ROBO1: variants seen among roughly 807,000 people sequenced by gnomAD.
ROBO1 encodes the protein roundabout homolog 1.
ROBO1 carries 149 observed loss-of-function variants against 195.9 expected under a neutral mutation model. That is an observed-to-expected ratio of 0.76 (90% CI 0.67 to 0.87). The LOEUF (loss-of-function observed/expected upper bound fraction) is 0.87. Among genes scored for constraint, ROBO1 ranks in the 40% least tolerant of loss-of-function variants. The pLI, the probability that ROBO1 is intolerant of heterozygous loss-of-function variation, is 0.00. For missense variants in ROBO1, 1,933 were observed against 2,068.3 expected, an observed-to-expected ratio of 0.93 and a Z score of 1.27; for synonymous variants, 816 against 733.2, an observed-to-expected ratio of 1.11 and a Z score of -1.82.
chr3:79,534,998 C>T (rs1297984589), intron 2 of ROBO1, among the ~76,000 whole-genome samples: 1 of 152,062 alleles, frequency 6.6e-6, no homozygotes, highest in Non-Finnish European at 1.5e-5. Flanking sequence ...TCTGTGCTTT[C>T]CATAGTTTAA....
At chr3:78,654,472 A>C (rs1706871034) in intron 18 of ROBO1, among the ~76,000 whole-genome samples, 1 of 152,230 alleles carries the variant, frequency 6.6e-6, no homozygotes, top group African/African-American at 2.4e-5. Flanking sequence ...TTCACCGAGC[A>C]GACCTATTCT....
chr3:79,335,709 G>T (rs142177686), intron 2 of ROBO1, among the ~76,000 whole-genome samples: 2 of 152,096 alleles, frequency 1.3e-5, no homozygotes, highest in Admixed American at 6.5e-5. Flanking sequence ...AATTGGTACC[G>T]CAGAGAGTGG....
intron 1 of ROBO1, among the ~76,000 whole-genome samples, chr3:79,750,526 C>T (rs908938822): frequency 1.3e-5 from 2 of 152,166 alleles, no homozygotes; most frequent in African/African-American, 2.4e-5. Flanking sequence ...GTAACTCCCA[C>T]AATTCCAGCA....
rs189392857 is a variant in ROBO1 at position 79,398,711 on chromosome 3, G to A, written c.88+191113C>T. The stretch of plus-strand genomic sequence containing the variant: ...CTTCCCTGGTCTCTACCAACTAAAT[G>A]TTGGTGGCAATTTCTCTCCGGTAAT... On this transcript the variant is annotated intron_variant, in intron 2 of 30. Transcript: ENST00000464233. Among the ~76,000 whole-genome samples, 6 of 152,162 alleles carry A rather than the reference G, an allele frequency of 3.9e-5. No individual in the cohort carries two copies. In the East Asian group the frequency reaches 1.2e-3, roughly 30 times the overall value.
chr3:78,769,217 T>G (rs950039314), intron 4 of ROBO1, among the ~76,000 whole-genome samples: 2 of 152,208 alleles, frequency 1.3e-5, no homozygotes, highest in African/African-American at 4.8e-5. Flanking sequence ...GGTCTATTAG[T>G]AATTGTTTTA....
At position 79,202,775 on chromosome 3, in the gene ROBO1, CAG is replaced by C. The variant is rs2081792638; in HGVS notation, c.89-77238_89-77237del. 4.6e-5 allele frequency among the ~76,000 whole-genome samples: 7 copies of C among 152,148 alleles called. No individual in the cohort carries two copies. In the South Asian group the frequency reaches 1.2e-3, roughly 27 times the overall value. ...TGGAATATGCAGAATATTTAAGAAA[CAG>C]AGTTTCTTAAACAAAACTTTTTAGT... On this transcript the variant is annotated intron_variant, in intron 2 of 30. Coordinates refer to ENST00000464233, the MANE Select transcript of ROBO1 (RefSeq NM_002941.4).
At chr3:78,871,461 T>A (rs748777440) in intron 4 of ROBO1, among the ~76,000 whole-genome samples, 40 of 152,150 alleles carry the variant, frequency 2.6e-4, no homozygotes, top group Non-Finnish European at 4.7e-4. Flanking sequence ...TAGCTCTAAT[T>A]TCCTACGGCA....
chr3:79,736,934 G>A (rs922493356), intron 1 of ROBO1, among the ~76,000 whole-genome samples: 3 of 152,174 alleles, frequency 2.0e-5, no homozygotes, highest in Non-Finnish European at 4.4e-5. Context: ...TTTAACTGTA[G>A]CTTGAATATA....
At position 78,680,026 on chromosome 3, in the gene ROBO1, C is replaced by T. The variant is rs1207573689; in HGVS notation, c.1342+5720G>A. 5.3e-5 allele frequency among the ~76,000 whole-genome samples: 8 copies of T among 152,178 alleles called. No homozygotes were observed. In the South Asian group the frequency reaches 8.3e-4, roughly 16 times the overall value. On this transcript the variant is annotated intron_variant, in intron 10 of 30. Coordinates refer to ENST00000464233, the MANE Select transcript of ROBO1 (RefSeq NM_002941.4). ...AGAACACAAGCCTCAGAAATAACGC[C>T]GCATATCTACAACTATCTGATCTTT...
intron 1 of ROBO1, among the ~76,000 whole-genome samples, chr3:79,705,003 A>C (rs755266062): frequency 9.9e-5 from 15 of 151,850 alleles, no homozygotes; most frequent in Non-Finnish European, 2.2e-4. Flanking sequence ...GTGTCTGTTG[A>C]GGTCTTTGTC....
At chr3:79,390,696 G>A (rs2036914688) in intron 2 of ROBO1, among the ~76,000 whole-genome samples, 1 of 152,066 alleles carries the variant, frequency 6.6e-6, no homozygotes, top group South Asian at 2.1e-4. Context: ...CCTAGGCAGA[G>A]GGAAATGGTG....
At chr3:79,725,212 T>G (rs1224896872) in intron 1 of ROBO1, among the ~76,000 whole-genome samples, 1 of 146,754 alleles carries the variant, frequency 6.8e-6, no homozygotes, top group Non-Finnish European at 1.5e-5. Context: ...ATGAGAAACA[T>G]CTCTCTTCTT....
intron 2 of ROBO1, among the ~76,000 whole-genome samples, chr3:79,531,055 C>T (rs1941640477): frequency 2.0e-5 from 3 of 152,226 alleles, no homozygotes; most frequent in South Asian, 4.1e-4. Context: ...GACTTCATTT[C>T]TCCTGGAAAC....
chr3:78,945,078 C>T (rs2107728114), intron 3 of ROBO1, among the ~76,000 whole-genome samples: 1 of 152,304 alleles, frequency 6.6e-6, no homozygotes, highest in South Asian at 2.1e-4. Context: ...CCCCTGTAGG[C>T]TCCACCTCTG....
At chr3:79,648,756 C>T (rs1945910174) in intron 1 of ROBO1, among the ~76,000 whole-genome samples, 1 of 151,862 alleles carries the variant, frequency 6.6e-6, no homozygotes, top group Non-Finnish European at 1.5e-5. Context: ...TATCAAAAAG[C>T]ATGGTAGTAA....
rs1315135492 is a variant in ROBO1 at position 78,711,432 on chromosome 3, TTTCTTTCTTTCCTTCCTTCCTTCCTTCC to T, written c.1045+2937_1045+2964del. Among the ~76,000 whole-genome samples the T allele has an allele frequency of 3.0e-3, 269 of 88,482 alleles. 9 individuals carry two copies. Among genetic ancestry groups the T allele is most frequent in the African/African-American group, 0.011 (259 of 23,574 alleles). 58.0% of individuals were successfully genotyped at this position (88,482 alleles called of 152,430 possible). On this transcript the variant is annotated intron_variant, in intron 8 of 30. Coordinates refer to ENST00000464233, the MANE Select transcript of ROBO1 (RefSeq NM_002941.4). ...CTTTCTTTCTTTCTTTCTTTCTTTC[TTTCTTTCTTTCCTTCCTTCCTTCCTTCC>T]TTCCTTTTCTCTCTTTCTCTCTCTC... is the stretch of plus-strand genomic sequence containing the variant.
rs150381949 is a variant in ROBO1 at position 79,623,922 on chromosome 3, A to G, written c.-50-33961T>C. Among the ~76,000 whole-genome samples the G allele has an allele frequency of 2.1e-3, 321 of 152,302 alleles. 1 individual carries two copies. Among genetic ancestry groups the G allele is most frequent in the Middle Eastern group, 6.8e-3 (2 of 294 alleles). The stretch of plus-strand genomic sequence containing the variant: ...AAATTCTCCAAGGTCAAAATGAAGG[A>G]AAAAATGTTAAGGGCAGCCAGAGAG... On this transcript the variant is annotated intron_variant, in intron 1 of 30. Transcript: ENST00000464233.
At chr3:79,535,966 A>G (rs1197062648) in intron 2 of ROBO1, among the ~76,000 whole-genome samples, 1 of 152,138 alleles carries the variant, frequency 6.6e-6, no homozygotes, top group Non-Finnish European at 1.5e-5. Context: ...ACTGAGATTA[A>G]ATAAATATCT....
chr3:79,033,157 A>G (rs2078325500), intron 3 of ROBO1, among the ~76,000 whole-genome samples: 1 of 152,110 alleles, frequency 6.6e-6, no homozygotes, highest in Non-Finnish European at 1.5e-5. Context: ...TAATACAATT[A>G]CATAATTTTA....
Sources: allele counts gnomAD v4.1 joint callset (sites outside exome capture counted in the v4.1 genomes callset), GRCh38; gene constraint gnomAD v4.1.1; transcripts MANE v1.5; gene names NCBI Gene and HGNC (gene_info 2026-07-23, HGNC 2026-07-21).